NPIPB2: variants seen among roughly 807,000 people sequenced by gnomAD.
The protein encoded by NPIPB2 is nuclear pore complex-interacting protein family member B2.
Under a neutral mutation model 30.8 loss-of-function variants are expected in NPIPB2, and 27 were observed. The observed-to-expected ratio is 0.88, with a 90% CI of 0.65 to 1.21. The LOEUF is 1.21. Among genes scored for constraint, NPIPB2 ranks in the 50% most tolerant of loss-of-function variants. The pLI, the probability that NPIPB2 is intolerant of heterozygous loss-of-function variation, is 0.00. For synonymous variants in NPIPB2, 147 were observed against 162.0 expected, an observed-to-expected ratio of 0.91 and a Z score of 0.70; for missense variants, 440 against 446.2, an observed-to-expected ratio of 0.99 and a Z score of 0.13.
chr16:11,959,961 A>C (rs1021979931), intron 1 of NPIPB2, among the ~76,000 whole-genome samples: 2 of 152,026 alleles, frequency 1.3e-5, no homozygotes, highest in Admixed American at 1.3e-4. Context: ...TTATTTGTAG[A>C]GATAGGGTTT....
At chr16:11,961,984 G>A (rs1461481790) in intron 1 of NPIPB2, among the ~76,000 whole-genome samples, 1 of 151,848 alleles carries the variant, frequency 6.6e-6, no homozygotes, top group Non-Finnish European at 1.5e-5. Context: ...AAGATCACTT[G>A]AGCCCAGGAG....
At chr16:11,941,272 C>A in intron 1 of NPIPB2, 3 of 1,469,764 alleles carry the variant, frequency 2.0e-6, no homozygotes, top group Non-Finnish European at 2.7e-6. Flanking sequence ...CGCCCTGAGG[C>A]GGCCAGGACA....
chr16:11,948,691 C>T (rs1213520193), intron 1 of NPIPB2, among the ~76,000 whole-genome samples: 2 of 127,686 alleles, frequency 1.6e-5, no homozygotes, highest in East Asian at 2.7e-4. Flanking sequence ...GGCGTGAACC[C>T]GGGAGGCAGA....
At chr16:11,953,207 G>A (rs1274961886) in intron 1 of NPIPB2, among the ~76,000 whole-genome samples, 2 of 151,926 alleles carry the variant, frequency 1.3e-5, no homozygotes, top group Non-Finnish European at 2.9e-5. Context: ...GTGCAGTGGC[G>A]CAATGTTGGC....
At chr16:11,974,762 T>C (rs956073936) in intron 1 of NPIPB2, among the ~76,000 whole-genome samples, 1 of 152,020 alleles carries the variant, frequency 6.6e-6, no homozygotes, top group African/African-American at 2.4e-5. Flanking sequence ...ATGTGTAAAA[T>C]GGGACGAAAC....
At chr16:11,933,591 G>A (rs1167110617) in exon 4 of NPIPB2, 2 of 1,569,072 alleles carry the variant, frequency 1.3e-6, no homozygotes, top group South Asian at 1.1e-5. Flanking sequence ...TCATCTTACG[G>A]ATTTTAGCTC....
At chr16:11,953,882 G>A (rs2055088984) in intron 1 of NPIPB2, among the ~76,000 whole-genome samples, 1 of 151,256 alleles carries the variant, frequency 6.6e-6, no homozygotes, top group Non-Finnish European at 1.5e-5. Flanking sequence ...CACCACGTTG[G>A]CCAGGCTAGT....
At chr16:11,965,455 G>GT (rs1170157018) in intron 1 of NPIPB2, 1 of 1,613,856 alleles carries the variant, frequency 6.2e-7, no homozygotes, top group South Asian at 1.1e-5. Flanking sequence ...TGTAATGCAA[G>GT]TAAGTAATAT....
At chr16:11,960,322 C>T (rs962834598) in intron 1 of NPIPB2, among the ~76,000 whole-genome samples, 19 of 151,860 alleles carry the variant, frequency 1.3e-4, no homozygotes, top group African/African-American at 4.3e-4. Flanking sequence ...AGCTTTCTTC[C>T]CCTGGCTTCT....
intron 1 of NPIPB2, among the ~76,000 whole-genome samples, chr16:11,952,540 G>C (rs969960314): frequency 4.4e-4 from 65 of 149,020 alleles, no homozygotes; most frequent in Admixed American, 1.2e-3. Context: ...AAACTTAGTA[G>C]TGTACTACGG....
intron 1 of NPIPB2, among the ~76,000 whole-genome samples, chr16:11,948,181 G>T (rs2055030438): frequency 6.6e-6 from 1 of 151,690 alleles, no homozygotes; most frequent in Non-Finnish European, 1.5e-5. Flanking sequence ...CCTGGGCCAT[G>T]GGACTGAAGG....
chr16:11,958,547 C>T (rs1005377395), intron 1 of NPIPB2, among the ~76,000 whole-genome samples: 2 of 151,920 alleles, frequency 1.3e-5, no homozygotes, highest in East Asian at 3.9e-4. Context: ...CTGGGCAACA[C>T]AGCAAGACCC....
At chr16:11,969,635 G>T (rs2150943760) in intron 1 of NPIPB2, among the ~76,000 whole-genome samples, 1 of 152,338 alleles carries the variant, frequency 6.6e-6, no homozygotes, top group East Asian at 1.9e-4. Context: ...GACGAATTCA[G>T]TGTGCAGTGC....
At chr16:11,974,789 A>G (rs1344745152) in intron 1 of NPIPB2, among the ~76,000 whole-genome samples, 2 of 151,918 alleles carry the variant, frequency 1.3e-5, no homozygotes, top group African/African-American at 4.8e-5. Context: ...CTTCATAACA[A>G]TGTGCAGGGC....
At chr16:11,949,070 G>T (rs2055040554) in intron 1 of NPIPB2, among the ~76,000 whole-genome samples, 1 of 151,804 alleles carries the variant, frequency 6.6e-6, no homozygotes, top group Admixed American at 6.6e-5. Flanking sequence ...GATTGCTTGA[G>T]CCCAGGAGGT....
chr16:11,943,442 G>A (rs1204685170), upstream of NPIPB2, among the ~76,000 whole-genome samples: 3 of 152,288 alleles, frequency 2.0e-5, no homozygotes, highest in East Asian at 1.9e-4. Flanking sequence ...GGTGGCTCAC[G>A]CCTGTAATCC....
chr16:11,933,699 A>G (rs1265685800), exon 4 of NPIPB2: 1 of 1,596,976 alleles, frequency 6.3e-7, no homozygotes, highest in Admixed American at 1.7e-5. Flanking sequence ...TGTGCATACA[A>G]ATGGACCTCA....
chr16:11,938,343 G>T (rs931288982), intron 1 of NPIPB2, among the ~76,000 whole-genome samples: 3 of 145,216 alleles, frequency 2.1e-5, no homozygotes, highest in African/African-American at 7.7e-5. Flanking sequence ...TTTGTTTGTT[G>T]TTTTTGAGAT....
intron 1 of NPIPB2, among the ~76,000 whole-genome samples, chr16:11,973,323 T>A (rs985474408): frequency 6.6e-5 from 10 of 152,306 alleles, no homozygotes; most frequent in South Asian, 2.1e-4. Context: ...TTCATTCAGA[T>A]GACTGGGGGA....
Sources: gnomAD v4.1 joint callset for allele counts (sites outside exome capture counted in the v4.1 genomes callset) on GRCh38, gnomAD v4.1.1 for gene constraint, MANE v1.5 for transcripts, NCBI Gene and HGNC (gene_info 2026-07-23, HGNC 2026-07-21) for gene names.